TPM1: variants seen among roughly 807,000 people sequenced by gnomAD.
TPM1 encodes the protein tropomyosin 1.
In TPM1, 24 loss-of-function variants were observed where a neutral mutation model predicts 42.9. The ratio of observed to expected loss-of-function variants is 0.56; its 90% CI spans 0.41 to 0.79. TPM1 has a LOEUF of 0.79. Among genes scored for constraint, TPM1 ranks in the 30% least tolerant of loss-of-function variants. The probability of loss-of-function intolerance (pLI) is 0.00; values close to 1 mark genes in which losing one functional copy is unlikely to be tolerated. For synonymous variants in TPM1, 136 were observed against 130.1 expected (o/e 1.05, Z -0.31); for missense variants, 158 against 351.8 (o/e 0.45, Z 4.41).
intron 2 of TPM1, chr15:63,044,771 G>C (rs1378280931): frequency 6.0e-6 from 1 of 167,670 alleles, no homozygotes; most frequent in Non-Finnish European, 1.3e-5. Flanking sequence ...GAAGGCACTA[G>C]ATCCAGAAAG....
chr15:63,048,871 G>C (rs1349974154), intron 2 of TPM1: 1 of 890,252 alleles, frequency 1.1e-6, no homozygotes, highest in African/African-American at 1.7e-5. Context: ...CTCTGGGGAG[G>C]GGCCCGGCCT....
chr15:63,059,440 A>C, intron 3 of TPM1, 123 bp from the exon 4 acceptor site: 1 of 707,154 alleles, frequency 1.4e-6, no homozygotes, highest in Non-Finnish European at 2.5e-6. Flanking sequence ...GGAAAATAAA[A>C]GTAGCTCTGT....
chr15:63,070,674 T>A, downstream of TPM1: 1 of 1,008,884 alleles, frequency 9.9e-7, no homozygotes, highest in Non-Finnish European at 1.2e-6. Flanking sequence ...GAGTTTGTGT[T>A]ACCGCACAAC....
chr15:63,062,514 C>G (rs2035775847), intron 7 of TPM1, 62 bp from the exon 8 acceptor site: 1 of 1,570,428 alleles, frequency 6.4e-7, no homozygotes, highest in Admixed American at 1.7e-5. Flanking sequence ...CTAGTTTTCC[C>G]TATGTTTGTA....
chr15:63,052,629 T>C (rs1421808922), intron 2 of TPM1, among the ~76,000 whole-genome samples: 3 of 152,174 alleles, frequency 2.0e-5, no homozygotes, highest in Non-Finnish European at 4.4e-5. Flanking sequence ...AAATGCCTTG[T>C]TATTTATATC....
At chr15:63,070,591 T>C (rs1437259407), downstream of TPM1, 33 of 1,007,930 alleles carry the variant, frequency 3.3e-5, no homozygotes, top group East Asian at 9.1e-4. Flanking sequence ...ATGTTGACAA[T>C]TTTTTATGAG....
chr15:63,061,343 G>C (rs1041815007), intron 5 of TPM1: 2 of 1,478,156 alleles, frequency 1.4e-6, no homozygotes, highest in Non-Finnish European at 1.9e-6. Context: ...AATGCCTCCT[G>C]GTTCGTTTGG....
chr15:63,061,467 A>G (rs2035616120), intron 5 of TPM1: 1 of 742,494 alleles, frequency 1.3e-6, no homozygotes, highest in East Asian at 2.7e-5. Context: ...TTGGGCAGCC[A>G]AAAAAGGAGC....
At position 63,062,581 on chromosome 15, in the gene TPM1, G is replaced by A. The variant is rs1323790700; in HGVS notation, c.708G>A (p.Glu236=). The A allele has an allele frequency of 1.2e-6, 2 of 1,614,086 alleles. No homozygotes were observed. The highest frequency in any genetic ancestry group is 2.7e-5 in the African/African-American group (2 of 74,938). The change falls in exon 8 of 10, where the codon GAG becomes GAA. Residue 236 remains glutamate (E), a synonymous_variant. Coordinates refer to ENST00000403994, the MANE Select transcript of TPM1 (RefSeq NM_001018005.2). ...ACTCAAATAAATCATTACAGGCTGA[G>A]ACTCGGGCTGAGTTTGCGGAGAGGT... ...KVLSDKLKEA[E]TRAEFAERSV... is the part of the protein sequence containing the mutation.
At chr15:63,070,241 C>CA, downstream of TPM1, 3 of 1,174,578 alleles carry the variant, frequency 2.6e-6, no homozygotes, top group Middle Eastern at 3.8e-4. Flanking sequence ...GGAGCCCCCC[C>CA]AAAAAATGTT....
In TPM1 at chr15:63,043,682, G is replaced by GCGCC. The variant is rs760065981; in HGVS notation, c.115-336_115-333dup. 5.2e-6 allele frequency: 8 copies of GCGCC among 1,540,622 alleles called. No individual in the cohort carries two copies. In the South Asian group the frequency reaches 8.3e-5, roughly 16 times the overall value. On this transcript the variant is annotated intron_variant, in intron 1 of 9. Coordinates refer to ENST00000403994, the MANE Select transcript of TPM1 (RefSeq NM_001018005.2). Reference sequence around the variant, plus strand: ...AACACCCGGTCCGTGCCGGCCGCCCGCGCCCGCCCGCCGCTGCCCCCAGCT... The same window carrying GCGCC: ...AACACCCGGTCCGTGCCGGCCGCCCGCGCCCGCCCGCCCGCCGCTGCCCCCAGCT...
At chr15:63,043,863 C>T (rs1275921492) in intron 1 of TPM1, 164 bp from the exon 2 acceptor site, 3 of 1,549,378 alleles carry the variant, frequency 1.9e-6, no homozygotes, top group Non-Finnish European at 2.6e-6. Context: ...GCGTGGCGCA[C>T]GAATGGCTAA....
chr15:63,056,377 CGG>C, intron 2 of TPM1: 1 of 157,770 alleles, frequency 6.3e-6, no homozygotes, highest in Admixed American at 6.2e-5. Flanking sequence ...TTGAACTCTA[CGG>C]AAGTGGGCCG....
intron 3 of TPM1, among the ~76,000 whole-genome samples, chr15:63,058,365 A>G (rs1199318151): frequency 6.6e-6 from 1 of 152,192 alleles, no homozygotes; most frequent in Non-Finnish European, 1.5e-5. Flanking sequence ...TTTGTGGCTA[A>G]GCCAAGACTC....
chr15:63,060,826 C>T (rs1177528646), intron 4 of TPM1, 43 bp from the exon 5 acceptor site: 1 of 1,611,688 alleles, frequency 6.2e-7, no homozygotes, highest in Admixed American at 1.7e-5. Context: ...TTACACAAAG[C>T]TTGCAAGACC....
rs1301446906 is a variant in TPM1, at chr15:63,048,561, C to T, written c.240+4409C>T. On this transcript the variant is annotated intron_variant, in intron 2 of 9. Coordinates refer to ENST00000403994, the MANE Select transcript of TPM1 (RefSeq NM_001018005.2). ...CTCCCACTGCAGCCCTCCCGCCCGCCTACCGTCCGGCGCGATGGCGGGGAG... is the reference window on the plus strand; with the variant it reads ...CTCCCACTGCAGCCCTCCCGCCCGCTTACCGTCCGGCGCGATGGCGGGGAG... 7.2e-6 allele frequency: 11 copies of T among 1,521,854 alleles called. No homozygotes were observed. The Admixed American group carries it at 8.0e-5, about 11-fold the overall frequency. The allele number at this position is 1,521,854 out of a possible 1,614,324, so 94.3% of individuals were successfully genotyped here.
chr15:63,053,687 TTTTTTG>T (rs2034307652), intron 2 of TPM1, among the ~76,000 whole-genome samples: 1 of 80,414 alleles, frequency 1.2e-5, no homozygotes, highest in Non-Finnish European at 2.6e-5. Flanking sequence ...TTTTTTTTTT[TTTTTTG>T]TTTTTGAGAC....
At chr15:63,064,723 T>G in intron 9 of TPM1, 1 of 949,328 alleles carries the variant, frequency 1.1e-6, no homozygotes, top group Non-Finnish European at 1.3e-6. Context: ...CCCAGCACTT[T>G]GGGAGGCCGA....
At chr15:63,051,300 T>C (rs1055687630) in intron 2 of TPM1, among the ~76,000 whole-genome samples, 1 of 152,140 alleles carries the variant, frequency 6.6e-6, no homozygotes, top group African/African-American at 2.4e-5. Context: ...ATTTCCGGGA[T>C]AGGAAAACCG....
Sources: allele counts gnomAD v4.1 joint callset (sites outside exome capture counted in the v4.1 genomes callset), GRCh38; gene constraint gnomAD v4.1.1; transcripts MANE v1.5; gene names NCBI Gene and HGNC (gene_info 2026-07-23, HGNC 2026-07-21).